The following SOD2 variants were observed in gnomAD, a reference collection of about 807,000 sequenced individuals.
SOD2 encodes the protein superoxide dismutase 2.
In SOD2, 11 loss-of-function variants were observed where a neutral mutation model predicts 27.0. The ratio of observed to expected loss-of-function variants is 0.41; its 90% CI spans 0.26 to 0.67. The LOEUF (loss-of-function observed/expected upper bound fraction) is 0.67. Ranked by LOEUF, SOD2 falls within the 30% of genes least tolerant of loss-of-function variation. The pLI is 0.34. For synonymous variants in SOD2, 105 were observed against 103.0 expected, an observed-to-expected ratio of 1.02 and a Z score of -0.12; for missense variants, 250 against 274.5, an observed-to-expected ratio of 0.91 and a Z score of 0.63.
At position 159,761,153 on chromosome 6, in the gene SOD2, G is replaced by A. The variant is rs41292462; in HGVS notation, c.-452C>T. The A allele has an allele frequency of 7.4e-3, 1,210 of 163,018 alleles. 16 individuals carry two copies. The highest frequency in any genetic ancestry group is 0.027 in the African/African-American group (1,130 of 41,670). 10.1% of individuals were successfully genotyped at this position (163,018 alleles called of 1,614,324 possible). A position where few individuals can be genotyped will look rare whatever the true frequency, so the allele number is the denominator to read the frequency against. ...TTCTTCAGGAAGATTCTCCAGGTCC[G>A]TCAACAGTTTTCCCCTTCATGACTT... On this transcript the variant is annotated 5_prime_UTR_variant, in exon 1 of 8. Transcript: ENST00000546087.
In SOD2 at chr6:159,689,699, C is replaced by T. The variant is rs184085361; in HGVS notation, c.227-1457G>A. Among the ~76,000 whole-genome samples, 12 of 152,308 alleles carry T rather than the reference C, an allele frequency of 7.9e-5. No homozygotes were observed. In the East Asian group the frequency reaches 2.3e-3, roughly 29 times the overall value. On this transcript the variant is annotated intron_variant, in intron 2 of 4. Coordinates refer to ENST00000538183, the MANE Select transcript of SOD2 (RefSeq NM_000636.4). ...TCTGGGCCGGGTGCGGTGGCTCACG[C>T]CTGTAATCTCAGCACTTTGGGAAGC...
At chr6:159,748,843 A>G, upstream of SOD2, 1 of 1,220,382 alleles carries the variant, frequency 8.2e-7, no homozygotes. The surrounding 1 kb of genome is among the most constrained non-coding windows in gnomAD (Gnocchi z 5.6). Context: ...AACCTTGAGC[A>G]TAGTGACTTA....
intron 1 of SOD2, among the ~76,000 whole-genome samples, chr6:159,716,528 C>G (rs1409356937): frequency 6.6e-6 from 1 of 152,210 alleles, no homozygotes; most frequent in African/African-American, 2.4e-5. Flanking sequence ...GAGATTTCCT[C>G]TGATCCCAGC....
chr6:159,741,951 A>T, intron 1 of SOD2: 5 of 662,048 alleles, frequency 7.6e-6, no homozygotes, highest in South Asian at 1.8e-5. Flanking sequence ...GACTCTGTCT[A>T]AAAAAAACTA....
At chr6:159,697,073 ACACACACG>A (rs1354500230), upstream of SOD2, among the ~76,000 whole-genome samples, 2 of 151,604 alleles carry the variant, frequency 1.3e-5, no homozygotes, top group Middle Eastern at 3.4e-3. Context: ...ACACACACAC[ACACACACG>A]CAGTCAGCTA....
Position 159,742,177 on chromosome 6 carries a change from G to GA in SOD2, c.-116+2952dup, listed in dbSNP as rs575218924. ...TTTGAGTTTTAGCTTCCTAAAGACT[G>GA]AATAATCTCCTTTTGATTGTTAAAA... On this transcript the variant is annotated intron_variant, in intron 1 of 3. Transcript: ENST00000537657. The GA allele has an allele frequency of 2.2e-5, 33 of 1,520,950 alleles. 1 individual carries two copies. In the South Asian group the frequency reaches 3.7e-4, roughly 17 times the overall value. The allele number at this position is 1,520,950 out of a possible 1,614,324, so 94.2% of individuals were successfully genotyped here. A position where few individuals can be genotyped will look rare whatever the true frequency, so the allele number is the denominator to read the frequency against.
exon 1 of SOD2, chr6:159,761,938 G>A: frequency 2.1e-6 from 2 of 949,758 alleles, no homozygotes; most frequent in East Asian, 5.7e-5. Flanking sequence ...CCTGCGCACA[G>A]TGGGATGCGC....
intron 1 of SOD2, among the ~76,000 whole-genome samples, chr6:159,741,229 G>A (rs1419289620): frequency 1.3e-5 from 2 of 152,148 alleles, no homozygotes; most frequent in African/African-American, 4.8e-5. Context: ...ATTCAGGGTA[G>A]AGAAGTATAA....
rs372328136 is a variant in SOD2, at chr6:159,714,292, T to C, written c.-116+12837A>G. Among the ~76,000 whole-genome samples, 91 of 152,248 alleles carry C rather than the reference T, an allele frequency of 6.0e-4. 1 individual carries two copies. The highest frequency in any genetic ancestry group is 2.0e-3 in the African/African-American group (85 of 41,532). On this transcript the variant is annotated intron_variant, in intron 1 of 2. Transcript: ENST00000401980. ...CTGCCTATACCTTTTCCTCTATTCT[T>C]TTTTCCCTCCAGAAACCCAATGACC... is the stretch of plus-strand genomic sequence containing the variant.
At chr6:159,731,015 C>T (rs997032105), upstream of SOD2, 1 of 151,720 alleles carries the variant, frequency 6.6e-6, no homozygotes, top group African/African-American at 2.4e-5. Flanking sequence ...GTGGTGCGTG[C>T]CTGTAGTTCC....
chr6:159,745,444 T>G (rs1350011438), upstream of SOD2, among the ~76,000 whole-genome samples: 1 of 152,138 alleles, frequency 6.6e-6, no homozygotes, highest in Admixed American at 6.5e-5. Flanking sequence ...CAGCTTTTTT[T>G]TTTTTTTAAA....
chr6:159,697,857 A>G (rs1031821202), upstream of SOD2, among the ~76,000 whole-genome samples: 7 of 152,188 alleles, frequency 4.6e-5, no homozygotes, highest in African/African-American at 1.7e-4. Flanking sequence ...ATCTGCGTAT[A>G]TGCCCAGCAC....
chr6:159,727,886 C>T (rs1778304280), upstream of SOD2, among the ~76,000 whole-genome samples: 1 of 152,202 alleles, frequency 6.6e-6, no homozygotes, highest in African/African-American at 2.4e-5. Context: ...TCCGCCGCTT[C>T]GAGGCCATTT....
chr6:159,726,714 C>T (rs1029978398), intron 1 of SOD2: 5 of 1,240,696 alleles, frequency 4.0e-6, no homozygotes, highest in Non-Finnish European at 5.2e-6. Flanking sequence ...GGACACAGCG[C>T]AACCTCCGAC....
chr6:159,752,155 T>C (rs148059959), intron 1 of SOD2, among the ~76,000 whole-genome samples: 103 of 152,122 alleles, frequency 6.8e-4, no homozygotes, highest in Middle Eastern at 3.5e-3. Context: ...TTTAAACTTA[T>C]AAGGCATACT....
chr6:159,755,745 C>CTTTGTTTTTTTTTTTTTTTTTTTTTTTT (rs1260302046), intron 1 of SOD2: 1 of 283,344 alleles, frequency 3.5e-6, no homozygotes, highest in African/African-American at 8.8e-5. Flanking sequence ...TGTTTTTTTT[C>CTTTGTTTTTTTTTTTTTTTTTTTTTTTT]TTTGTTTTTT....
At chr6:159,727,830 C>T, upstream of SOD2, 1 of 672,164 alleles carries the variant, frequency 1.5e-6, no homozygotes, top group Non-Finnish European at 1.8e-6. Flanking sequence ...TGGTGCGGCA[C>T]CGGTCTCTCG....
At chr6:159,713,616 A>T in intron 1 of SOD2, 1 of 1,004,182 alleles carries the variant, frequency 1.0e-6, no homozygotes, top group Non-Finnish European at 1.6e-6. Context: ...AGAAATGAAC[A>T]ATCTCTTCCT....
At chr6:159,696,539 C>T (rs915578803), upstream of SOD2, among the ~76,000 whole-genome samples, 1 of 151,962 alleles carries the variant, frequency 6.6e-6, no homozygotes, top group Non-Finnish European at 1.5e-5. Flanking sequence ...AGGCTGGTCT[C>T]GAACTCCTAG....
Sources: allele counts gnomAD v4.1 joint callset (sites outside exome capture counted in the v4.1 genomes callset), GRCh38; gene constraint gnomAD v4.1.1; non-coding constraint Gnocchi (gnomAD v3.1); transcripts MANE v1.5; gene names NCBI Gene and HGNC (gene_info 2026-07-23, HGNC 2026-07-21).